The following AP2B1 variants were observed in gnomAD, a reference collection of about 807,000 sequenced individuals.
AP2B1 encodes the protein AP-2 complex subunit beta.
AP2B1 carries 23 observed loss-of-function variants against 102.0 expected under a neutral mutation model. The ratio of observed to expected loss-of-function variants is 0.23; its 90% CI spans 0.16 to 0.32. The LOEUF (loss-of-function observed/expected upper bound fraction) is 0.32, where lower values mean the gene tolerates loss of function less well. AP2B1 is among the 10% of genes least tolerant of loss of function. AP2B1 has a pLI of 1.00. For missense variants in AP2B1, 541 were observed against 1,157.4 expected, an observed-to-expected ratio of 0.47 and a Z score of 7.73; for synonymous variants, 381 against 421.2, an observed-to-expected ratio of 0.90 and a Z score of 1.17.
At chr17:35,652,847 T>G (rs1252971935) in intron 13 of AP2B1, among the ~76,000 whole-genome samples, 1 of 152,220 alleles carries the variant, frequency 6.6e-6, no homozygotes, top group Non-Finnish European at 1.5e-5. Flanking sequence ...TTCTGTCACA[T>G]TTTCTAAATG....
chr17:35,674,239 G>A lies in AP2B1; in HGVS notation c.2242G>A (p.Gly748Arg). Residue 748 changes from glycine (G) to arginine (R), a missense_variant, in exon 17 of 22, where the codon GGG becomes AGG. Gly to Arg is a moderately radical substitution (Grantham distance 125). Around this residue, in one of 10 missense-constraint regions of AP2B1, gnomAD observed 62 missense variants for 87.6 expected, o/e 0.71. Coordinates refer to ENST00000610402, the MANE Select transcript of AP2B1 (RefSeq NM_001030006.2). ...EISGTFTHRQ[G>R]HIYMEMNFTN... is the part of the protein sequence containing the mutation. ...TTCCGGAACATTTACTCACCGCCAA[G>A]GGCACATCTATATGGAAATGAACTT... The A allele has an allele frequency of 1.9e-6, 3 of 1,614,162 alleles. No individual in the cohort carries two copies. The highest frequency in any genetic ancestry group is 3.3e-5 in the Admixed American group (2 of 60,022).
chr17:35,588,454 T>C lies in AP2B1; in HGVS notation c.-24+1026T>C, dbSNP rs1037399920. Among the ~76,000 whole-genome samples, 3 of 152,128 alleles carry C rather than the reference T, an allele frequency of 2.0e-5. No homozygotes were observed. The East Asian group carries it at 5.8e-4, about 29-fold the overall frequency. The stretch of plus-strand genomic sequence containing the variant: ...AGCGCGCCCAGCCAAACTTGACTTT[T>C]GAGAAGAAAAAATGTTTTGAAAACT... On this transcript the variant is annotated intron_variant, in intron 1 of 21. Coordinates refer to ENST00000610402, the MANE Select transcript of AP2B1 (RefSeq NM_001030006.2).
intron 12 of AP2B1, among the ~76,000 whole-genome samples, chr17:35,644,198 C>T (rs1375977725): frequency 2.6e-5 from 4 of 152,148 alleles, no homozygotes; most frequent in African/African-American, 9.7e-5. Context: ...CTAGGTCTTG[C>T]CCATGGTCTT....
chr17:35,604,431 T>G (rs564779074), intron 3 of AP2B1, among the ~76,000 whole-genome samples: 1 of 152,046 alleles, frequency 6.6e-6, no homozygotes, highest in South Asian at 2.1e-4. Context: ...TTTTTGTGTG[T>G]TTTTTTGAAT....
chr17:35,593,957 C>A, intron 1 of AP2B1, 51 bp from the exon 2 acceptor site: 2 of 971,474 alleles, frequency 2.1e-6, no homozygotes, highest in Non-Finnish European at 3.0e-6. Context: ...AATTGGATGC[C>A]TTGTTGGATA....
At chr17:35,657,972 G>A (rs1036462838) in intron 14 of AP2B1, among the ~76,000 whole-genome samples, 181 bp downstream of exon 14, 3 of 152,064 alleles carry the variant, frequency 2.0e-5, no homozygotes, top group Non-Finnish European at 2.9e-5. Flanking sequence ...GTTCATCATC[G>A]GTAATGGGGT....
intron 13 of AP2B1, among the ~76,000 whole-genome samples, chr17:35,654,093 G>A (rs933146830): frequency 6.1e-5 from 9 of 148,462 alleles, no homozygotes; most frequent in African/African-American, 2.2e-4. Context: ...ATGTAGTCTC[G>A]CTCTGTCTCC....
intron 18 of AP2B1, among the ~76,000 whole-genome samples, chr17:35,693,812 A>C (rs950085248): frequency 6.6e-6 from 1 of 152,156 alleles, no homozygotes; most frequent in African/African-American, 2.4e-5. Context: ...ATGTATATGT[A>C]TATGACCTTC....
chr17:35,651,509 A>G (rs984064948), intron 13 of AP2B1, among the ~76,000 whole-genome samples: 4 of 152,222 alleles, frequency 2.6e-5, no homozygotes, highest in African/African-American at 9.6e-5. Context: ...CATCAATCAT[A>G]GTAGACCTTG....
At chr17:35,633,357 CAA>C (rs11463249) in intron 9 of AP2B1, among the ~76,000 whole-genome samples, 1 of 129,208 alleles carries the variant, frequency 7.7e-6, no homozygotes. Flanking sequence ...GACTGTGTCT[CAA>C]AAAAAAAAAA....
At chr17:35,682,405 C>A (rs994615765) in intron 17 of AP2B1, among the ~76,000 whole-genome samples, 2 of 126,658 alleles carry the variant, frequency 1.6e-5, no homozygotes, top group Admixed American at 2.0e-4. Flanking sequence ...TGCAATGGTG[C>A]GATCTCGGCT....
chr17:35,691,423 G>T (rs587597782), intron 18 of AP2B1, among the ~76,000 whole-genome samples: 2 of 152,296 alleles, frequency 1.3e-5, no homozygotes, highest in East Asian at 3.9e-4. Context: ...ACTGGTAGAC[G>T]CTTCCAAGCG....
At chr17:35,696,379 A>T (rs1184186730) in intron 18 of AP2B1, among the ~76,000 whole-genome samples, 1 of 151,512 alleles carries the variant, frequency 6.6e-6, no homozygotes, top group African/African-American at 2.4e-5. Flanking sequence ...AGGTTAATGG[A>T]TACAAACATA....
intron 5 of AP2B1, among the ~76,000 whole-genome samples, chr17:35,609,828 G>A (rs2073804180): frequency 6.6e-6 from 1 of 152,188 alleles, no homozygotes; most frequent in Non-Finnish European, 1.5e-5. Flanking sequence ...TCTCTCATTT[G>A]TAAATTACCT....
chr17:35,663,894 T>C (rs545642852), intron 14 of AP2B1, among the ~76,000 whole-genome samples: 34 of 152,190 alleles, frequency 2.2e-4, no homozygotes, highest in Non-Finnish European at 4.0e-4. Flanking sequence ...AATGAGTAAG[T>C]TCATGCACCT....
At chr17:35,712,072 G>A (rs1371498203) in intron 20 of AP2B1, among the ~76,000 whole-genome samples, 2 of 152,126 alleles carry the variant, frequency 1.3e-5, no homozygotes, top group African/African-American at 2.4e-5. Context: ...TTGAAGCATG[G>A]TCTTCTGTAA....
chr17:35,677,724 T>G (rs1221044988), intron 17 of AP2B1, among the ~76,000 whole-genome samples: 1 of 152,198 alleles, frequency 6.6e-6, no homozygotes, highest in Non-Finnish European at 1.5e-5. Flanking sequence ...ATATTGAGTC[T>G]TCTAATCCAT....
intron 12 of AP2B1, among the ~76,000 whole-genome samples, chr17:35,647,439 T>C (rs142593085): frequency 6.6e-6 from 1 of 152,140 alleles, no homozygotes; most frequent in East Asian, 1.9e-4. Flanking sequence ...GATATAATTA[T>C]CACTGTTTCT....
intron 3 of AP2B1, chr17:35,601,022 G>A: frequency 1.0e-6 from 1 of 984,976 alleles, no homozygotes; most frequent in Non-Finnish European, 1.2e-6. Context: ...TTGCTGTCCT[G>A]TGACCATCTA....
Sources: allele counts gnomAD v4.1 joint callset (sites outside exome capture counted in the v4.1 genomes callset), GRCh38; gene constraint gnomAD v4.1.1; regional missense constraint gnomAD v4.1.1; transcripts MANE v1.5; gene names NCBI Gene and HGNC (gene_info 2026-07-23, HGNC 2026-07-21).